NTN1: variants seen among roughly 807,000 people sequenced by gnomAD.
The protein encoded by NTN1 is netrin-1.
In NTN1, 11 loss-of-function variants were observed where a neutral mutation model predicts 54.2. The ratio of observed to expected loss-of-function variants is 0.20; its 90% CI spans 0.13 to 0.34. The LOEUF is 0.34. NTN1 is among the 10% of genes least tolerant of loss of function. The probability of loss-of-function intolerance (pLI) is 1.00; values close to 1 mark genes in which losing one functional copy is unlikely to be tolerated. For missense variants in NTN1, 740 were observed against 893.1 expected, an observed-to-expected ratio of 0.83 and a Z score of 2.18; for synonymous variants, 371 against 382.0, an observed-to-expected ratio of 0.97 and a Z score of 0.33.
the NTN1 span, among the ~76,000 whole-genome samples, chr17:9,005,570 A>G: frequency 3.3e-5 from 5 of 152,184 alleles, no homozygotes; most frequent in Admixed American, 6.5e-5. Flanking sequence ...TATAAGGACC[A>G]TATTTAGGGG....
intron 2 of NTN1, among the ~76,000 whole-genome samples, chr17:9,086,788 A>G (rs1443349794): frequency 6.6e-6 from 1 of 151,996 alleles, no homozygotes; most frequent in African/African-American, 2.4e-5. Flanking sequence ...CCTCATTACC[A>G]TCACCACCTG....
At chr17:9,157,188 C>T (rs1020829095) in intron 2 of NTN1, among the ~76,000 whole-genome samples, 1 of 152,268 alleles carries the variant, frequency 6.6e-6, no homozygotes, top group African/African-American at 2.4e-5. Context: ...AGCAAACCAA[C>T]ACAGTTAATG....
chr17:9,022,370 C>T lies in NTN1; in HGVS notation c.-4C>T. On this transcript the variant is annotated 5_prime_UTR_variant, in exon 2 of 7. Transcript: ENST00000173229. ...CGGCAGGGCCGGGGCAAGCTGGACG[C>T]AGCATGATGCGCGCAGTGTGGGAGG... 7.7e-7 allele frequency: 1 copy of T among 1,307,092 alleles called. No individual in the cohort carries two copies. The highest frequency in any genetic ancestry group is 9.6e-7 in the Non-Finnish European group (1 of 1,036,454). The allele number at this position is 1,307,092 out of a possible 1,614,324, so 81.0% of individuals were successfully genotyped here. A position where few individuals can be genotyped will look rare whatever the true frequency, so the allele number is the denominator to read the frequency against.
intron 2 of NTN1, among the ~76,000 whole-genome samples, chr17:9,039,448 A>G (rs1183070882): frequency 1.3e-5 from 2 of 152,212 alleles, no homozygotes; most frequent in Non-Finnish European, 2.9e-5. Context: ...TCTGGTCAAA[A>G]TCATGAATTG....
chr17:9,005,454 C>A, the NTN1 span, among the ~76,000 whole-genome samples: 1 of 151,806 alleles, frequency 6.6e-6, no homozygotes, highest in Non-Finnish European at 1.5e-5. Context: ...ACACACACAC[C>A]CTCCCTCCTC....
At chr17:9,058,637 C>CAAAAAAAAAAAAAAAA (rs3053457) in intron 2 of NTN1, among the ~76,000 whole-genome samples, 22 of 58,896 alleles carry the variant, frequency 3.7e-4, no homozygotes, top group Non-Finnish European at 4.2e-4. Context: ...GGTAGGCACT[C>CAAAAAAAAAAAAAAAA]AAAAAAAAAA....
At chr17:9,112,499 G>A (rs148168634) in intron 2 of NTN1, among the ~76,000 whole-genome samples, 2,261 of 152,114 alleles carry the variant, frequency 0.015, 34 homozygotes, top group Non-Finnish European at 0.021. Flanking sequence ...TCGGTGCCAC[G>A]ATTTTCACAT....
chr17:9,212,786 G>A lies in NTN1; in HGVS notation c.1412-8382G>A, dbSNP rs1389918633. Reference sequence around the variant, plus strand: ...AGCCCGACAGCCCAGAAGCAGAGCGGCAGAGGTGTTGCGAGCGAGTGGGCC... The same window carrying A: ...AGCCCGACAGCCCAGAAGCAGAGCGACAGAGGTGTTGCGAGCGAGTGGGCC... On this transcript the variant is annotated intron_variant, in intron 5 of 6. Coordinates refer to ENST00000173229, the MANE Select transcript of NTN1 (RefSeq NM_004822.3). This position sits in a 1 kb window ranked among gnomAD's most constrained non-coding sequence, Gnocchi z 5.5. Among the ~76,000 whole-genome samples the A allele has an allele frequency of 1.3e-5, 2 of 152,232 alleles. No homozygotes were observed. The highest frequency in any genetic ancestry group is 6.5e-5 in the Admixed American group (1 of 15,286).
chr17:9,074,003 T>C (rs1182422663), intron 2 of NTN1, among the ~76,000 whole-genome samples: 1 of 152,170 alleles, frequency 6.6e-6, no homozygotes, highest in African/African-American at 2.4e-5. Flanking sequence ...GTTGCTGGTG[T>C]CCCGGTACCT....
At chr17:9,228,847 T>TGTGTGTGTGTGTGTGA (rs1555579162) in intron 6 of NTN1, among the ~76,000 whole-genome samples, 27 of 115,016 alleles carry the variant, frequency 2.3e-4, no homozygotes, top group African/African-American at 9.0e-4. Flanking sequence ...TGTGTGTGTG[T>TGTGTGTGTGTGTGTGA]GTGTGACTGT....
the NTN1 span, among the ~76,000 whole-genome samples, chr17:9,009,627 A>C: frequency 3.3e-5 from 5 of 152,192 alleles, no homozygotes; most frequent in Non-Finnish European, 5.9e-5. Flanking sequence ...TGTGATATAT[A>C]AACCAGCAAT....
chr17:9,013,788 C>G, the NTN1 span, among the ~76,000 whole-genome samples: 1 of 152,198 alleles, frequency 6.6e-6, no homozygotes, highest in South Asian at 2.1e-4. Context: ...CTATTTTCTC[C>G]ATCTGGAGCA....
At chr17:9,122,700 C>T (rs1021385079) in intron 2 of NTN1, among the ~76,000 whole-genome samples, 3 of 152,190 alleles carry the variant, frequency 2.0e-5, no homozygotes, top group African/African-American at 4.8e-5. Flanking sequence ...AAGAAGAAAA[C>T]GCAAGTAACA....
chr17:9,136,148 G>A (rs4791795), intron 2 of NTN1, among the ~76,000 whole-genome samples: 102,000 of 152,154 alleles, frequency 0.67, 35,390 homozygotes, highest in East Asian at 1. Flanking sequence ...CCAGCAACAG[G>A]CCAGCAGCTA....
At chr17:9,027,409 T>C (rs1188150482) in intron 2 of NTN1, among the ~76,000 whole-genome samples, 3 of 152,210 alleles carry the variant, frequency 2.0e-5, no homozygotes, top group Non-Finnish European at 2.9e-5. Flanking sequence ...CATTAGATGG[T>C]TTACCCTAAG....
chr17:9,032,746 C>T (rs1365876901), intron 2 of NTN1, among the ~76,000 whole-genome samples: 2 of 152,218 alleles, frequency 1.3e-5, no homozygotes, highest in Non-Finnish European at 2.9e-5. Context: ...AGCCCCTACC[C>T]TCAGCCCTTT....
chr17:9,165,597 T>C lies in NTN1; in HGVS notation c.1207+2596T>C, dbSNP rs886400966. On this transcript the variant is annotated intron_variant, in intron 3 of 6. Coordinates refer to ENST00000173229, the MANE Select transcript of NTN1 (RefSeq NM_004822.3). The surrounding 1 kb of genome is among the most constrained non-coding windows in gnomAD (Gnocchi z 4.5). ...GACGGGAAAACCTAAGGATGGATTC[T>C]ACTCAGAAAGACACAGGCAAATTCT... is the stretch of plus-strand genomic sequence containing the variant. 2.6e-5 allele frequency among the ~76,000 whole-genome samples: 4 copies of C among 152,188 alleles called. No individual in the cohort carries two copies. Among genetic ancestry groups the C allele is most frequent in the Non-Finnish European group, 4.4e-5 (3 of 68,032 alleles).
At chr17:9,092,279 A>G (rs1000853191) in intron 2 of NTN1, among the ~76,000 whole-genome samples, 2 of 148,610 alleles carry the variant, frequency 1.3e-5, no homozygotes, top group Non-Finnish European at 3.0e-5. Context: ...AGACTGAGTA[A>G]TACTCCATTG....
intron 2 of NTN1, among the ~76,000 whole-genome samples, chr17:9,088,662 G>A (rs1257921246): frequency 6.6e-6 from 1 of 152,162 alleles, no homozygotes; most frequent in Non-Finnish European, 1.5e-5. Context: ...ACATGCCACA[G>A]ATGGAGGATT....
Sources: allele counts gnomAD v4.1 joint callset (sites outside exome capture counted in the v4.1 genomes callset), GRCh38; gene constraint gnomAD v4.1.1; non-coding constraint Gnocchi (gnomAD v3.1); transcripts MANE v1.5; gene names NCBI Gene and HGNC (gene_info 2026-07-23, HGNC 2026-07-21).